Variants in GPHN observed in about 807,000 individuals in gnomAD.
GPHN encodes gephyrin.
Under a neutral mutation model 95.5 loss-of-function variants are expected in GPHN, and 17 were observed. The observed-to-expected ratio is 0.18, with a 90% confidence interval of 0.12 to 0.27. GPHN has a LOEUF of 0.27. Among genes scored for constraint, GPHN ranks in the 10% least tolerant of loss-of-function variants. GPHN has a pLI of 1.00. For synonymous variants in GPHN, 320 were observed against 322.5 expected, an observed-to-expected ratio of 0.99 and a Z score of 0.08; for missense variants, 660 against 978.1, an observed-to-expected ratio of 0.67 and a Z score of 4.34.
the GPHN span, among the ~76,000 whole-genome samples, chr14:67,345,192 G>A: frequency 9.5e-5 from 14 of 146,698 alleles, no homozygotes; most frequent in Non-Finnish European, 2.1e-4. Context: ...CAGTGAGCTG[G>A]GATTATGCCA....
intron 8 of GPHN, among the ~76,000 whole-genome samples, chr14:66,944,083 T>G (rs1184057696): frequency 1.3e-5 from 2 of 152,142 alleles, no homozygotes; most frequent in Non-Finnish European, 2.9e-5. Flanking sequence ...AAGAAAAACA[T>G]AAAGGCCATT....
intron 9 of GPHN, among the ~76,000 whole-genome samples, chr14:67,015,504 C>T (rs2073256201): frequency 6.6e-6 from 1 of 152,040 alleles, no homozygotes; most frequent in South Asian, 2.1e-4. Flanking sequence ...TGAGACCAGC[C>T]TGAGTAACAC....
At chr14:66,953,962 G>A (rs2068300246) in intron 8 of GPHN, among the ~76,000 whole-genome samples, 1 of 151,984 alleles carries the variant, frequency 6.6e-6, no homozygotes, top group Admixed American at 6.6e-5. Context: ...TTGAACCCAG[G>A]AGGCGGAGGT....
chr14:66,832,616 T>G (rs956667893), intron 4 of GPHN, among the ~76,000 whole-genome samples: 8 of 152,152 alleles, frequency 5.3e-5, no homozygotes, highest in African/African-American at 1.9e-4. Flanking sequence ...TAGGCACACT[T>G]AAGACCTTTC....
chr14:66,772,042 A>T (rs2059197063), intron 2 of GPHN, among the ~76,000 whole-genome samples: 1 of 152,100 alleles, frequency 6.6e-6, no homozygotes. Flanking sequence ...GATATTTTGT[A>T]AACTATTGTA....
the GPHN span, chr14:67,385,911 T>G: frequency 6.6e-6 from 1 of 152,234 alleles, no homozygotes; most frequent in African/African-American, 2.4e-5. Context: ...CTGCCATACT[T>G]CAGCCATTCT....
At chr14:66,570,741 G>A (rs952389202) in intron 1 of GPHN, among the ~76,000 whole-genome samples, 2 of 152,174 alleles carry the variant, frequency 1.3e-5, no homozygotes, top group African/African-American at 2.4e-5. Flanking sequence ...CCAACAGTGT[G>A]AAAGGATTTC....
chr14:67,302,704 G>C, the GPHN span: 6 of 651,172 alleles, frequency 9.2e-6, no homozygotes, highest in South Asian at 3.3e-4. Flanking sequence ...TGATGTAACT[G>C]TTCCACAGTA....
rs572365059 is a variant in GPHN, at chr14:66,626,718, A to G, written c.65-54389A>G. Reference sequence around the variant, plus strand: ...TTTGCCTTTCTATGAATGCCATACCATAAGATTTTTCAGGATATTTTTGTA... The same window carrying G: ...TTTGCCTTTCTATGAATGCCATACCGTAAGATTTTTCAGGATATTTTTGTA... On this transcript the variant is annotated intron_variant, in intron 1 of 22. Transcript: ENST00000478722. 4.6e-5 allele frequency among the ~76,000 whole-genome samples: 7 copies of G among 152,166 alleles called. No homozygotes were observed. In the South Asian group the frequency reaches 8.3e-4, roughly 18 times the overall value.
At chr14:67,276,058 C>A in the GPHN span, among the ~76,000 whole-genome samples, 1 of 152,030 alleles carries the variant, frequency 6.6e-6, no homozygotes, top group Non-Finnish European at 1.5e-5. Context: ...TTGATCTTTT[C>A]AAAAAATCAG....
At chr14:67,576,426 C>T in the GPHN span, 2 of 1,607,388 alleles carry the variant, frequency 1.2e-6, no homozygotes, top group Admixed American at 1.7e-5. The surrounding 1 kb of genome is among the most constrained non-coding windows in gnomAD (Gnocchi z 4.0). Flanking sequence ...ACAGTGGCTG[C>T]AGGTGGCAGC....
the GPHN span, chr14:67,382,827 T>A: frequency 3.7e-6 from 2 of 534,244 alleles, no homozygotes; most frequent in Non-Finnish European, 6.6e-6. Context: ...TAAAATTTGA[T>A]CTCAGAATTG....
the GPHN span, among the ~76,000 whole-genome samples, chr14:67,396,217 AG>A: frequency 8.8e-6 from 1 of 114,242 alleles, no homozygotes; most frequent in Admixed American, 9.3e-5. Flanking sequence ...GTGCAATCTC[AG>A]CTCACTGCAA....
chr14:67,484,011 G>A, the GPHN span, among the ~76,000 whole-genome samples: 2 of 152,214 alleles, frequency 1.3e-5, no homozygotes, highest in African/African-American at 2.4e-5. Flanking sequence ...TGGCAGGCTG[G>A]CATCCCAGAC....
intron 1 of GPHN, among the ~76,000 whole-genome samples, chr14:66,605,454 T>C (rs769562474): frequency 6.6e-6 from 1 of 152,148 alleles, no homozygotes; most frequent in African/African-American, 2.4e-5. Context: ...TGATTAGTGA[T>C]GATGAACATT....
At position 67,035,310 on chromosome 14, in the gene GPHN, C is replaced by G. The variant is rs1200859048; in HGVS notation, c.1006+11635C>G. ...ATGAGGGGGAAAGACCTCAAATCAG[C>G]AACCTAACTTTTTACCTCAAGGAAT... On this transcript the variant is annotated intron_variant, in intron 10 of 22. Coordinates refer to ENST00000478722, the MANE Select transcript of GPHN (RefSeq NM_020806.5). 2.6e-5 allele frequency among the ~76,000 whole-genome samples: 4 copies of G among 151,814 alleles called. No homozygotes were observed. In the East Asian group the frequency reaches 7.7e-4, roughly 29 times the overall value.
chr14:66,861,187 A>G (rs2063010276), intron 4 of GPHN, among the ~76,000 whole-genome samples: 1 of 152,090 alleles, frequency 6.6e-6, no homozygotes, highest in African/African-American at 2.4e-5. Flanking sequence ...AAAAAGATGG[A>G]AAAAGATATT....
the GPHN span, among the ~76,000 whole-genome samples, chr14:67,330,138 A>AAAC: frequency 3.7e-3 from 545 of 146,478 alleles, 5 homozygotes; most frequent in African/African-American, 0.013. Context: ...ACCAGGAAAT[A>AAAC]AATAATAATA....
At position 66,912,657 on chromosome 14, in the gene GPHN, T is replaced by C. The variant is rs532325169; in HGVS notation, c.390-3346T>C. On this transcript the variant is annotated intron_variant, in intron 5 of 22. Coordinates refer to ENST00000478722, the MANE Select transcript of GPHN (RefSeq NM_020806.5). ...AAATAGTGCTTGGTAATATTAGTAA[T>C]AGCAGAATCCATGTATCATCTCCAA... 5.3e-5 allele frequency among the ~76,000 whole-genome samples: 8 copies of C among 152,234 alleles called. No individual in the cohort carries two copies. In the South Asian group the frequency reaches 1.2e-3, roughly 24 times the overall value.
Sources: gnomAD v4.1 joint callset for allele counts (sites outside exome capture counted in the v4.1 genomes callset) on GRCh38, gnomAD v4.1.1 for gene constraint, Gnocchi (gnomAD v3.1) non-coding constraint, MANE v1.5 for transcripts, NCBI Gene and HGNC (gene_info 2026-07-23, HGNC 2026-07-21) for gene names.